The following FBXO44 variants were observed in gnomAD, a reference collection of about 807,000 sequenced individuals.
FBXO44 encodes the protein F-box only protein 44.
In FBXO44, 25 loss-of-function variants were observed where a neutral mutation model predicts 33.5. The ratio of observed to expected loss-of-function variants is 0.75; its 90% CI spans 0.54 to 1.04. The LOEUF (loss-of-function observed/expected upper bound fraction) is 1.04, where lower values mean the gene tolerates loss of function less well. Ranked by LOEUF, FBXO44 falls within the 50% of genes least tolerant of loss-of-function variation. The probability of loss-of-function intolerance (pLI) is 0.00; values close to 1 mark genes in which losing one functional copy is unlikely to be tolerated. For missense variants in FBXO44, 311 were observed against 344.0 expected, an observed-to-expected ratio of 0.90 and a Z score of 0.76; for synonymous variants, 147 against 152.8, an observed-to-expected ratio of 0.96 and a Z score of 0.28.
At chr1:11,656,178 A>G (rs2100612275) in intron 2 of FBXO44, 78 bp downstream of exon 2, 1 of 1,557,454 alleles carries the variant, frequency 6.4e-7, no homozygotes. Context: ...ACTTAGTATG[A>G]GCCGGGTACT....
Position 11,658,955 on chromosome 1 carries a change from G to C in FBXO44, c.624+84G>C, listed in dbSNP as rs952548622. The C allele has an allele frequency of 1.1e-5, 17 of 1,530,458 alleles. 1 individual carries two copies. The Middle Eastern group carries it at 5.7e-4, about 52-fold the overall frequency. 94.8% of individuals were successfully genotyped at this position (1,530,458 alleles called of 1,614,324 possible). A position where few individuals can be genotyped will look rare whatever the true frequency, so the allele number is the denominator to read the frequency against. Reference sequence around the variant, plus strand: ...AGACGGGGCCTAGGTTCAGATCCAAGCTCTGCACCTTCTCACCTGTGCTTC... The same window carrying C: ...AGACGGGGCCTAGGTTCAGATCCAACCTCTGCACCTTCTCACCTGTGCTTC... On this transcript the variant is annotated intron_variant, in intron 5 of 5. Transcript: ENST00000251547.
At position 11,658,364 on chromosome 1, in the gene FBXO44, G is replaced by T; in HGVS notation, c.363G>T (p.Gln121His). 1 of 1,613,778 alleles carries T rather than the reference G, an allele frequency of 6.2e-7. No individual in the cohort carries two copies. The highest frequency in any genetic ancestry group is 1.3e-5 in the African/African-American group (1 of 75,036). The change falls in exon 3 of 6, where the codon CAG (glutamine) becomes CAT (histidine). Residue 121 changes from glutamine to histidine, a missense_variant. Gln to His is a conservative substitution (Grantham distance 24). Coordinates refer to ENST00000251547, the MANE Select transcript of FBXO44 (RefSeq NM_033182.7). ...RDQRKEFPND[Q>H]VKKYFVTSYY... ...AGAGGAAGGAATTCCCCAATGACCA[G>T]GTCAAGAAATACTTCGTTACTTCAT...
At chr1:11,658,952 C>T (rs1640011635) in intron 5 of FBXO44, 81 bp downstream of exon 5, 2 of 1,536,300 alleles carry the variant, frequency 1.3e-6, no homozygotes, top group Admixed American at 3.5e-5. Flanking sequence ...GGTTCAGATC[C>T]AAGCTCTGCA....
chr1:11,661,100 C>A lies in FBXO44; in HGVS notation c.625-30C>A, dbSNP rs757259098. ...ACCCAGCCTGAGTCAGCTCCCTTGA[C>A]CTTTCTCCCCCCTCTACCTGCCCTG... On this transcript the variant is annotated intron_variant, in intron 5 of 5. Transcript: ENST00000251547. This position sits in a 1 kb window ranked among gnomAD's most constrained non-coding sequence, Gnocchi z 4.4. 2 of 1,596,292 alleles carry A rather than the reference C, an allele frequency of 1.3e-6. No homozygotes were observed. Among genetic ancestry groups the A allele is most frequent in the East Asian group, 2.2e-5 (1 of 44,556 alleles).
rs1043041788 is a variant in FBXO44 at position 11,656,162 on chromosome 1, T to C, written c.265+62T>C. 70 of 1,583,126 alleles carry C rather than the reference T, an allele frequency of 4.4e-5. No homozygotes were observed. The African/African-American group carries it at 8.5e-4, about 19-fold the overall frequency. Reference sequence around the variant, plus strand: ...ACAGTCATGACACCAGGAACATGTATTGAGCACTTAGTATGAGCCGGGTAC... The same window carrying C: ...ACAGTCATGACACCAGGAACATGTACTGAGCACTTAGTATGAGCCGGGTAC... On this transcript the variant is annotated intron_variant, in intron 2 of 5. Transcript: ENST00000251547.
chr1:11,661,776 CCT>C lies in FBXO44; in HGVS notation c.*504_*505del, dbSNP rs3215522. The C allele has an allele frequency of 0.17, 26,664 of 157,158 alleles. 2,696 individuals carry two copies. Among genetic ancestry groups the C allele is most frequent in the South Asian group, 0.25 (1,282 of 5,080 alleles). 9.7% of individuals were successfully genotyped at this position (157,158 alleles called of 1,614,324 possible). A position where few individuals can be genotyped will look rare whatever the true frequency, so the allele number is the denominator to read the frequency against. On this transcript the variant is annotated 3_prime_UTR_variant, in exon 6 of 6. Coordinates refer to ENST00000251547, the MANE Select transcript of FBXO44 (RefSeq NM_033182.7). The surrounding 1 kb of genome is among the most constrained non-coding windows in gnomAD (Gnocchi z 4.4). Reference sequence around the variant, plus strand: ...GTGGGCTCATGGGCCGTGCTCTGCCCCTGTCTGCTGCTCCCAGTCTCTCGCTC... The same window carrying C: ...GTGGGCTCATGGGCCGTGCTCTGCCCGTCTGCTGCTCCCAGTCTCTCGCTC...
At chr1:11,660,193 C>T (rs143509994) in intron 5 of FBXO44, among the ~76,000 whole-genome samples, 1,762 of 152,248 alleles carry the variant, frequency 0.012, 31 homozygotes, top group African/African-American at 0.041. Context: ...GACGGAGTCT[C>T]GCTCTGTCAC....
At chr1:11,654,623 TG>T (rs1639637545), upstream of FBXO44, 1 of 333,768 alleles carries the variant, frequency 3.0e-6, no homozygotes, top group Admixed American at 4.9e-5. Context: ...GGGTCCGATT[TG>T]GGGCATCTCG....
chr1:11,660,810 C>T (rs1457356598), intron 5 of FBXO44, among the ~76,000 whole-genome samples: 1 of 151,952 alleles, frequency 6.6e-6, no homozygotes, highest in Non-Finnish European at 1.5e-5. Flanking sequence ...TTTAGAGACA[C>T]GGTCTCACTC....
upstream of FBXO44, chr1:11,654,468 A>C: frequency 2.1e-6 from 2 of 964,162 alleles, no homozygotes; most frequent in South Asian, 3.4e-5. Context: ...AAGGCCCCCG[A>C]CCCGACCCGC....
At chr1:11,659,658 A>T (rs553080452) in intron 5 of FBXO44, among the ~76,000 whole-genome samples, 5 of 147,070 alleles carry the variant, frequency 3.4e-5, no homozygotes, top group South Asian at 2.1e-4. Context: ...ACCACTAATT[A>T]AAAAAAAAAT....
At chr1:11,657,982 T>G (rs1050934753) in intron 2 of FBXO44, among the ~76,000 whole-genome samples, 2 of 152,176 alleles carry the variant, frequency 1.3e-5, no homozygotes, top group Admixed American at 6.5e-5. Context: ...GAGCTGGGAC[T>G]AGACCCAGGT....
At position 11,661,445 on chromosome 1, in the gene FBXO44, G is replaced by A. The variant is rs1353412179; in HGVS notation, c.*172G>A. On this transcript the variant is annotated 3_prime_UTR_variant, in exon 6 of 6. Transcript: ENST00000251547. The surrounding 1 kb of genome is among the most constrained non-coding windows in gnomAD (Gnocchi z 4.4). ...AGTGTGGGCAGCCCTCGCATGCTGG[G>A]GTCGGGCCAGCTCTCCCCGAAAGGT... 7 of 966,314 alleles carry A rather than the reference G, an allele frequency of 7.2e-6. No individual in the cohort carries two copies. The highest frequency in any genetic ancestry group is 2.8e-5 in the Admixed American group (1 of 35,146). 59.9% of individuals were successfully genotyped at this position (966,314 alleles called of 1,614,324 possible).
chr1:11,662,329 T>C lies in FBXO44; in HGVS notation c.*1056T>C, dbSNP rs1416188745. 1 of 152,316 alleles carries C rather than the reference T, an allele frequency of 6.6e-6. No homozygotes were observed. Among genetic ancestry groups the C allele is most frequent in the Non-Finnish European group, 1.5e-5 (1 of 68,084 alleles). The allele number at this position is 152,316 out of a possible 1,614,324, so 9.4% of individuals were successfully genotyped here. ...GGTTTCTGGAAGGAAAGGCAGACTTTAGGTGGTCCTGCCTGGACCTGCAGA... is the reference window on the plus strand; with the variant it reads ...GGTTTCTGGAAGGAAAGGCAGACTTCAGGTGGTCCTGCCTGGACCTGCAGA... On this transcript the variant is annotated 3_prime_UTR_variant, in exon 6 of 6. Coordinates refer to ENST00000251547, the MANE Select transcript of FBXO44 (RefSeq NM_033182.7).
rs60133415 is a variant in FBXO44, at chr1:11,662,954, CTTTTT to C, written c.*1697_*1701del. 56 of 126,586 alleles carry C rather than the reference CTTTTT, an allele frequency of 4.4e-4. No homozygotes were observed. The highest frequency in any genetic ancestry group is 4.8e-4 in the Admixed American group (6 of 12,590). 7.8% of individuals were successfully genotyped at this position (126,586 alleles called of 1,614,324 possible). On this transcript the variant is annotated 3_prime_UTR_variant, in exon 6 of 6. Transcript: ENST00000251547. ...GTAAGTTCCTTTTTTCTTTTCTTTT[CTTTTT>C]TTTTTTTTTTTTTTTGAGATGGAGT...
chr1:11,658,843 A>G lies in FBXO44; in HGVS notation c.596A>G (p.Gln199Arg). The change falls in exon 5 of 6, where the codon CAG becomes CGG. Residue 199 changes from glutamine to arginine, a missense_variant. Physicochemically the swap from Gln to Arg is conservative, Grantham distance 43. Coordinates refer to ENST00000251547, the MANE Select transcript of FBXO44 (RefSeq NM_033182.7). ...GTFQPDPATI[Q>R]QKSDAKWREV... ...TTCCAGCCAGACCCGGCGACCATCC[A>G]GCAGAAGAGCGATGCCAAGTGGAGG... 1 of 1,610,494 alleles carries G rather than the reference A, an allele frequency of 6.2e-7. No homozygotes were observed.
rs777723333 is a variant in FBXO44, at chr1:11,661,332, G to T, written c.*59G>T. Reference sequence around the variant, plus strand: ...TGGTAAACAACTGCTGTCAGAAAAGGGCTGGGCTTGGGAAGGGGAGGTGGA... The same window carrying T: ...TGGTAAACAACTGCTGTCAGAAAAGTGCTGGGCTTGGGAAGGGGAGGTGGA... On this transcript the variant is annotated 3_prime_UTR_variant, in exon 6 of 6. Coordinates refer to ENST00000251547, the MANE Select transcript of FBXO44 (RefSeq NM_033182.7). The surrounding 1 kb of genome is among the most constrained non-coding windows in gnomAD (Gnocchi z 4.4). The T allele has an allele frequency of 5.6e-6, 9 of 1,604,756 alleles. No homozygotes were observed. The African/African-American group carries it at 1.2e-4, about 21-fold the overall frequency.
In FBXO44 at chr1:11,658,545, G is replaced by C. The variant is rs1168725627; in HGVS notation, c.405G>C (p.Lys135Asn). The C allele has an allele frequency of 1.2e-6, 2 of 1,612,854 alleles. No individual in the cohort carries two copies. The highest frequency in any genetic ancestry group is 3.3e-5 in the Admixed American group (2 of 59,974). ...TGCCTGCCCCCAGCACCTGCCTCAAGTCCCAGGTGGTGGACCTCAAGGCCG... is the reference window on the plus strand; with the variant it reads ...TGCCTGCCCCCAGCACCTGCCTCAACTCCCAGGTGGTGGACCTCAAGGCCG... ...YFVTSYYTCL[K>N]SQVVDLKAEG... Residue 135 changes from lysine (K) to asparagine (N), a missense_variant, in exon 4 of 6, where the codon AAG becomes AAC. Coordinates refer to ENST00000251547, the MANE Select transcript of FBXO44 (RefSeq NM_033182.7).
rs1371901113 is a variant in FBXO44 at position 11,662,493 on chromosome 1, C to T, written c.*1220C>T. ...CCTGGCAGCCGTCCAGTACTGCTGG[C>T]TTCCTCTGGAGGCCCAGCCACAGGC... On this transcript the variant is annotated 3_prime_UTR_variant, in exon 6 of 6. Transcript: ENST00000251547. The T allele has an allele frequency of 1.3e-5, 2 of 152,274 alleles. No homozygotes were observed. The highest frequency in any genetic ancestry group is 6.5e-5 in the Admixed American group (1 of 15,286). The allele number at this position is 152,274 out of a possible 1,614,324, so 9.4% of individuals were successfully genotyped here.
Sources: allele counts gnomAD v4.1 joint callset (sites outside exome capture counted in the v4.1 genomes callset), GRCh38; gene constraint gnomAD v4.1.1; non-coding constraint Gnocchi (gnomAD v3.1); transcripts MANE v1.5; gene names NCBI Gene and HGNC (gene_info 2026-07-23, HGNC 2026-07-21).